The following TTC29 variants were observed in gnomAD, a reference collection of about 807,000 sequenced individuals.
TTC29 encodes the protein tetratricopeptide repeat domain 29.
In TTC29, 49 loss-of-function variants were observed where a neutral mutation model predicts 58.1. The observed-to-expected ratio is 0.84, with a 90% CI of 0.67 to 1.07. The LOEUF is 1.07. TTC29 is among the 50% of genes least tolerant of loss of function. TTC29 has a pLI of 0.00. For synonymous variants in TTC29, 209 were observed against 196.8 expected, an observed-to-expected ratio of 1.06 and a Z score of -0.52; for missense variants, 582 against 555.6, an observed-to-expected ratio of 1.05 and a Z score of -0.48.
chr4:146,801,901 C>A (rs775369799), intron 11 of TTC29, among the ~76,000 whole-genome samples: 1 of 138,670 alleles, frequency 7.2e-6, no homozygotes, highest in Non-Finnish European at 1.5e-5. Context: ...ATGGTGTGAA[C>A]CCGGGAGGCA....
intron 9 of TTC29, 107 bp from the exon 10 acceptor site, chr4:146,820,355 G>T: frequency 8.0e-7 from 1 of 1,251,744 alleles, no homozygotes; most frequent in Non-Finnish European, 1.1e-6. Context: ...ATGGTTATCA[G>T]GATAATAAGA....
chr4:146,769,942 T>G (rs1400107047), intron 11 of TTC29, among the ~76,000 whole-genome samples: 7 of 152,038 alleles, frequency 4.6e-5, no homozygotes, highest in Non-Finnish European at 8.8e-5. Context: ...TCCCCTTAAG[T>G]AGGCAGGCTA....
In TTC29 at chr4:146,909,101, G is replaced by T. The variant is rs749403912; in HGVS notation, c.325C>A (p.Pro109Thr). 1.1e-5 allele frequency: 18 copies of T among 1,613,716 alleles called. No homozygotes were observed. Among genetic ancestry groups the T allele is most frequent in the Middle Eastern group, 3.3e-4 (2 of 6,084 alleles). Residue 109 changes from proline to threonine, a missense_variant, in exon 5 of 13, where the codon CCC becomes ACC. Pro to Thr is a conservative substitution (Grantham distance 38). Transcript: ENST00000325106. Reference protein sequence around the residue: ...RVRSLFWLQKPLEEQPDKLDY... With the variant: ...RVRSLFWLQKTLEEQPDKLDY... ...AGTTTATCAGGCTGCTCCTCCAGGG[G>T]CTTCTGCAGCCAGAAGAGGGACCTG...
chr4:146,754,845 G>A (rs1746314569), intron 11 of TTC29, among the ~76,000 whole-genome samples: 1 of 151,960 alleles, frequency 6.6e-6, no homozygotes, highest in Admixed American at 6.6e-5. Flanking sequence ...CTAGTATCAG[G>A]CAAGATGCCC....
chr4:146,838,145 A>T (rs1561175102), intron 8 of TTC29, among the ~76,000 whole-genome samples: 1 of 152,038 alleles, frequency 6.6e-6, no homozygotes, highest in Non-Finnish European at 1.5e-5. Context: ...AATGAAATAG[A>T]TGTACTTGGT....
chr4:146,858,741 G>C (rs567417992), intron 8 of TTC29, among the ~76,000 whole-genome samples: 2 of 152,278 alleles, frequency 1.3e-5, no homozygotes, highest in South Asian at 4.1e-4. Flanking sequence ...TCCTGAGTTA[G>C]AGTAGGATTA....
At chr4:146,855,951 C>T (rs902943773) in intron 8 of TTC29, among the ~76,000 whole-genome samples, 1 of 152,168 alleles carries the variant, frequency 6.6e-6, no homozygotes, top group Non-Finnish European at 1.5e-5. Context: ...GCCTCTAGAT[C>T]AACGAGTGCT....
chr4:146,768,809 C>CT (rs1747513028), intron 11 of TTC29, among the ~76,000 whole-genome samples: 1 of 151,996 alleles, frequency 6.6e-6, no homozygotes, highest in African/African-American at 2.4e-5. Flanking sequence ...GGTTCAAAGT[C>CT]TATTTTTAAT....
intron 8 of TTC29, among the ~76,000 whole-genome samples, chr4:146,844,882 G>A (rs1729070265): frequency 6.6e-6 from 1 of 152,212 alleles, no homozygotes; most frequent in Non-Finnish European, 1.5e-5. Flanking sequence ...GAGCAGCTGA[G>A]TCGTTAGTAA....
chr4:146,708,351 T>TAC (rs1742202237), intron 11 of TTC29, among the ~76,000 whole-genome samples: 1 of 21,348 alleles, frequency 4.7e-5, no homozygotes, highest in African/African-American at 8.2e-5. Flanking sequence ...TATATATATA[T>TAC]ATATACACAT....
chr4:146,867,785 T>C (rs1190174934), intron 7 of TTC29, among the ~76,000 whole-genome samples: 3 of 152,092 alleles, frequency 2.0e-5, no homozygotes, highest in Admixed American at 6.6e-5. Flanking sequence ...TAAATTAAGA[T>C]GCTTTAAGGA....
intron 6 of TTC29, among the ~76,000 whole-genome samples, chr4:146,900,335 C>A (rs1733056232): frequency 6.6e-6 from 1 of 152,144 alleles, no homozygotes; most frequent in South Asian, 2.1e-4. Flanking sequence ...ATCTCAAAAG[C>A]AAAAGCCTTT....
chr4:146,851,666 GAAT>G (rs1227243061), intron 8 of TTC29, among the ~76,000 whole-genome samples: 1 of 152,120 alleles, frequency 6.6e-6, no homozygotes, highest in Non-Finnish European at 1.5e-5. Context: ...TTTCAGAAAA[GAAT>G]AATATTACTT....
intron 6 of TTC29, among the ~76,000 whole-genome samples, chr4:146,886,228 A>G (rs1390851384): frequency 2.0e-5 from 3 of 151,926 alleles, no homozygotes; most frequent in Admixed American, 6.6e-5. Context: ...TGCCTCCTGT[A>G]TCTTCCTTCT....
intron 3 of TTC29, among the ~76,000 whole-genome samples, chr4:146,939,107 C>G (rs1171931408): frequency 6.6e-6 from 1 of 152,080 alleles, no homozygotes; most frequent in African/African-American, 2.4e-5. Context: ...TAAGGCTCTA[C>G]CCTCCTTCTT....
chr4:146,928,709 T>C (rs2150314775), intron 4 of TTC29, among the ~76,000 whole-genome samples: 1 of 152,312 alleles, frequency 6.6e-6, no homozygotes. Flanking sequence ...TCTCTGTCAC[T>C]TGAATATATT....
At chr4:146,798,419 T>C (rs766510674) in intron 11 of TTC29, among the ~76,000 whole-genome samples, 2 of 152,150 alleles carry the variant, frequency 1.3e-5, no homozygotes, top group African/African-American at 2.4e-5. Context: ...ACTTTTATTA[T>C]AAATTCTAGC....
chr4:146,940,510 T>C lies in TTC29; in HGVS notation c.-6-609A>G, dbSNP rs189555830. ...CAACTTTATCTCACACTTTACATGG[T>C]TCAGGAATAAGGACAGGGTATCATA... On this transcript the variant is annotated intron_variant, in intron 2 of 12. Coordinates refer to ENST00000325106, the MANE Select transcript of TTC29 (RefSeq NM_031956.4). Among the ~76,000 whole-genome samples, 17 of 152,314 alleles carry C rather than the reference T, an allele frequency of 1.1e-4. 1 individual carries two copies. In the East Asian group the frequency reaches 2.7e-3, roughly 24 times the overall value.
chr4:146,909,176 G>A lies in TTC29; in HGVS notation c.250C>T (p.Leu84Phe), dbSNP rs1444282910. The A allele has an allele frequency of 1.9e-6, 3 of 1,613,744 alleles. No individual in the cohort carries two copies. Among genetic ancestry groups the A allele is most frequent in the Non-Finnish European group, 2.5e-6 (3 of 1,179,826 alleles). ...TCCCACCGCTCCATCAGAGCGAAGAGCTCGGTGAAGGACTTATGATAACCA... is the reference window on the plus strand; with the variant it reads ...TCCCACCGCTCCATCAGAGCGAAGAACTCGGTGAAGGACTTATGATAACCA... ...RDGYHKSFTE[L>F]FALMERWDAL... The change falls in exon 5 of 13, where the codon CTC (leucine) becomes TTC (phenylalanine). Residue 84 changes from leucine to phenylalanine, a missense_variant. Transcript: ENST00000325106.
Sources: allele counts gnomAD v4.1 joint callset (sites outside exome capture counted in the v4.1 genomes callset), GRCh38; gene constraint gnomAD v4.1.1; transcripts MANE v1.5; gene names NCBI Gene and HGNC (gene_info 2026-07-23, HGNC 2026-07-21).